The following EHMT1 variants were observed in gnomAD, a reference collection of about 807,000 sequenced individuals.
EHMT1 encodes the protein euchromatic histone lysine methyltransferase 1, also known as histone-lysine N-methyltransferase EHMT1.
EHMT1 carries 15 observed loss-of-function variants against 147.2 expected under a neutral mutation model. The ratio of observed to expected loss-of-function variants is 0.10; its 90% CI spans 0.07 to 0.16. The LOEUF (loss-of-function observed/expected upper bound fraction) is 0.16. Ranked by LOEUF, EHMT1 falls within the 10% of genes least tolerant of loss-of-function variation. The pLI, the probability that EHMT1 is intolerant of heterozygous loss-of-function variation, is 1.00. For missense variants in EHMT1, 1,587 were observed against 1,772.4 expected, an observed-to-expected ratio of 0.90 and a Z score of 1.88; for synonymous variants, 795 against 709.6, an observed-to-expected ratio of 1.12 and a Z score of -1.91.
intron 1 of EHMT1, among the ~76,000 whole-genome samples, chr9:137,708,301 T>G (rs893383631): frequency 2.0e-5 from 3 of 152,190 alleles, no homozygotes; most frequent in Non-Finnish European, 4.4e-5. Context: ...GACATGTGGT[T>G]GGCAAGGGGG....
intron 22 of EHMT1, chr9:137,815,563 A>G: frequency 9.1e-6 from 3 of 329,008 alleles, no homozygotes; most frequent in South Asian, 8.0e-5. Flanking sequence ...TTGCAAGGCA[A>G]GGAGGCCAGG....
At chr9:137,628,254 A>T (rs961501556) in intron 1 of EHMT1, among the ~76,000 whole-genome samples, 3 of 151,970 alleles carry the variant, frequency 2.0e-5, no homozygotes, top group Admixed American at 6.6e-5. Context: ...ACTCTGTGGG[A>T]TAGGTTAGCT....
chr9:137,765,932 C>T (rs1950188997), intron 10 of EHMT1, among the ~76,000 whole-genome samples: 2 of 152,098 alleles, frequency 1.3e-5, no homozygotes, highest in South Asian at 4.1e-4. Context: ...GTGAATCCCA[C>T]ACTTAGGTGG....
At chr9:137,639,918 C>T (rs1844360078) in intron 1 of EHMT1, among the ~76,000 whole-genome samples, 1 of 152,204 alleles carries the variant, frequency 6.6e-6, no homozygotes, top group African/African-American at 2.4e-5. Flanking sequence ...TTGAGACCCA[C>T]CCTTTGCTGG....
At chr9:137,694,215 A>G in intron 1 of EHMT1, among the ~76,000 whole-genome samples, 1 of 106,124 alleles carries the variant, frequency 9.4e-6, no homozygotes. Context: ...GCTGGCCGAT[A>G]CCCCCCACAC....
At chr9:137,780,858 C>T (rs377149332) in intron 14 of EHMT1, among the ~76,000 whole-genome samples, 15 of 47,760 alleles carry the variant, frequency 3.1e-4, no homozygotes, top group South Asian at 1.2e-3. Flanking sequence ...GACGCCGAGA[C>T]GTGTGGTGAT....
intron 1 of EHMT1, among the ~76,000 whole-genome samples, chr9:137,696,975 C>T (rs920054247): frequency 1.9e-4 from 29 of 152,228 alleles, no homozygotes; most frequent in African/African-American, 6.0e-4. Flanking sequence ...GACCACAGAG[C>T]TGGCCCTGTG....
intron 2 of EHMT1, among the ~76,000 whole-genome samples, chr9:137,715,399 AG>A (rs1945115965): frequency 6.6e-6 from 1 of 152,242 alleles, no homozygotes; most frequent in African/African-American, 2.4e-5. Flanking sequence ...TCATGTGCTC[AG>A]GGTACACTGG....
intron 8 of EHMT1, among the ~76,000 whole-genome samples, chr9:137,756,225 C>T (rs1369335528): frequency 1.3e-5 from 2 of 152,164 alleles, no homozygotes; most frequent in Admixed American, 6.5e-5. Context: ...TGAGCTGTGG[C>T]GCAGGCCCCT....
chr9:137,707,464 A>G (rs9410117), intron 1 of EHMT1, among the ~76,000 whole-genome samples: 15,592 of 152,178 alleles, frequency 0.1, 883 homozygotes, highest in Middle Eastern at 0.2. Context: ...GCCCTGGGCC[A>G]TCCTCAGCTG....
chr9:137,735,046 G>A (rs6559218), intron 4 of EHMT1, among the ~76,000 whole-genome samples: 74,086 of 152,102 alleles, frequency 0.49, 21,378 homozygotes, highest in African/African-American at 0.8. Flanking sequence ...TATTGTAACA[G>A]TGGTTTGTAC....
chr9:137,645,472 C>T (rs1003474312), intron 1 of EHMT1, among the ~76,000 whole-genome samples: 3 of 152,184 alleles, frequency 2.0e-5, no homozygotes, highest in African/African-American at 4.8e-5. Context: ...ATGCACATGG[C>T]GTCTGCCTTG....
At position 137,752,414 on chromosome 9, in the gene EHMT1, G is replaced by A; in HGVS notation, c.1248+6G>A. 4.3e-6 allele frequency: 7 copies of A among 1,613,300 alleles called. No homozygotes were observed. The highest frequency in any genetic ancestry group is 5.9e-6 in the Non-Finnish European group (7 of 1,179,718). ...GCGGTGACGAGTCTGACCTGGTAAT[G>A]CCCAGCGCCTCCTCCTGCGTCTGTG... On this transcript the variant is annotated splice_donor_region_variant and intron_variant, in intron 7 of 26. Coordinates refer to ENST00000460843, the MANE Select transcript of EHMT1 (RefSeq NM_024757.5).
intron 2 of EHMT1, 44 bp from the exon 3 acceptor site, chr9:137,716,582 A>T: frequency 1.3e-6 from 2 of 1,523,900 alleles, no homozygotes; most frequent in Non-Finnish European, 8.8e-7. Flanking sequence ...GGTGCCATGG[A>T]GAGCGTGGCC....
intron 1 of EHMT1, among the ~76,000 whole-genome samples, chr9:137,684,043 C>T (rs1393218598): frequency 6.6e-6 from 1 of 150,516 alleles, no homozygotes; most frequent in African/African-American, 2.5e-5. Flanking sequence ...TGTTTTTTTG[C>T]TTGTTTTTTG....
intron 1 of EHMT1, among the ~76,000 whole-genome samples, chr9:137,648,715 T>G (rs1845087344): frequency 6.6e-6 from 1 of 152,156 alleles, no homozygotes; most frequent in Non-Finnish European, 1.5e-5. Flanking sequence ...TCTCCCAAGT[T>G]AATGCAAAAA....
chr9:137,738,494 AAAC>A (rs2135959608), intron 4 of EHMT1: 1 of 152,308 alleles, frequency 6.6e-6, no homozygotes, highest in South Asian at 2.1e-4. Flanking sequence ...AAAACTCAAA[AAAC>A]TAAGTGTGGA....
At chr9:137,735,787 T>A (rs1023126122) in intron 4 of EHMT1, among the ~76,000 whole-genome samples, 2 of 152,078 alleles carry the variant, frequency 1.3e-5, no homozygotes, top group African/African-American at 4.8e-5. Context: ...GCCTTGAGAG[T>A]GAGGTGTTTG....
At chr9:137,721,228 CT>C (rs567965340) in intron 3 of EHMT1, among the ~76,000 whole-genome samples, 2 of 113,026 alleles carry the variant, frequency 1.8e-5, no homozygotes, top group Non-Finnish European at 2.1e-5. Flanking sequence ...ACACTCACCC[CT>C]CCCAGACTTC....
Sources: gnomAD v4.1 joint callset for allele counts (sites outside exome capture counted in the v4.1 genomes callset) on GRCh38, gnomAD v4.1.1 for gene constraint, MANE v1.5 for transcripts, NCBI Gene and HGNC (gene_info 2026-07-23, HGNC 2026-07-21) for gene names.